ZPBP: variants seen among roughly 807,000 people sequenced by gnomAD.
The protein encoded by ZPBP is zona pellucida binding protein, also known as zona pellucida-binding protein 1.
Under a neutral mutation model 44.8 loss-of-function variants are expected in ZPBP, and 26 were observed. The ratio of observed to expected loss-of-function variants is 0.58; its 90% CI spans 0.43 to 0.81. The LOEUF is 0.81. Ranked by LOEUF, ZPBP falls within the 30% of genes least tolerant of loss-of-function variation. The pLI, the probability that ZPBP is intolerant of heterozygous loss-of-function variation, is 0.00. For synonymous variants in ZPBP, 174 were observed against 153.2 expected, an observed-to-expected ratio of 1.14 and a Z score of -1.00; for missense variants, 409 against 434.0, an observed-to-expected ratio of 0.94 and a Z score of 0.51.
At chr7:50,088,876 C>T in intron 2 of ZPBP, among the ~76,000 whole-genome samples, 1 of 138,220 alleles carries the variant, frequency 7.2e-6, no homozygotes, top group East Asian at 1.9e-4. Context: ...CATAGAGTTA[C>T]TCATAGGTAG....
intron 3 of ZPBP, among the ~76,000 whole-genome samples, chr7:50,067,847 T>C (rs1322454242): frequency 1.3e-5 from 2 of 152,196 alleles, no homozygotes; most frequent in Non-Finnish European, 2.9e-5. Flanking sequence ...AGTATGTCAC[T>C]GGGTGATGCC....
chr7:49,951,751 CT>C lies in ZPBP; in HGVS notation c.962-14130del, dbSNP rs1795355021. 3.3e-5 allele frequency among the ~76,000 whole-genome samples: 5 copies of C among 151,320 alleles called. 1 individual carries two copies. The South Asian group carries it at 1.0e-3, about 31-fold the overall frequency. On this transcript the variant is annotated intron_variant, in intron 7 of 7. Transcript: ENST00000046087. ...CTCTTGGTATGTACCCAAAAGAACTCTAAATGGGCACTTAAGTATATACTTT... is the reference window on the plus strand; with the variant it reads ...CTCTTGGTATGTACCCAAAAGAACTCAAATGGGCACTTAAGTATATACTTT...
chr7:49,865,369 C>G (rs927019181), intron 2 of ZPBP, among the ~76,000 whole-genome samples: 6 of 152,212 alleles, frequency 3.9e-5, no homozygotes, highest in Non-Finnish European at 7.3e-5. Flanking sequence ...GTTTTCCCAG[C>G]TGAAAAATGG....
chr7:49,945,251 T>G (rs1795055042), intron 7 of ZPBP, among the ~76,000 whole-genome samples: 1 of 152,190 alleles, frequency 6.6e-6, no homozygotes, highest in Admixed American at 6.5e-5. Flanking sequence ...AAGATTTGAT[T>G]TGTGGCCTAA....
At chr7:49,886,508 TTTC>T (rs1423996915) in intron 2 of ZPBP, among the ~76,000 whole-genome samples, 8 of 152,242 alleles carry the variant, frequency 5.3e-5, no homozygotes, top group Non-Finnish European at 7.3e-5. Context: ...TAAAATGTTA[TTTC>T]TTCTTTTGAT....
chr7:50,067,291 G>A (rs1055577170), intron 3 of ZPBP, among the ~76,000 whole-genome samples: 1 of 152,076 alleles, frequency 6.6e-6, no homozygotes, highest in Admixed American at 6.5e-5. Flanking sequence ...GCATTTAAGA[G>A]CTGTAGAATT....
At chr7:49,855,115 TG>T (rs1331338969) in intron 2 of ZPBP, among the ~76,000 whole-genome samples, 1 of 152,166 alleles carries the variant, frequency 6.6e-6, no homozygotes, top group Non-Finnish European at 1.5e-5. Context: ...TAGAAATAAA[TG>T]AGATTGTGTA....
At chr7:49,883,870 C>A (rs548916233) in intron 2 of ZPBP, among the ~76,000 whole-genome samples, 1 of 152,162 alleles carries the variant, frequency 6.6e-6, no homozygotes, top group Non-Finnish European at 1.5e-5. Flanking sequence ...ATAAAGAAAA[C>A]AAGTATTCAA....
At chr7:50,075,822 A>G (rs1173149228) in intron 3 of ZPBP, among the ~76,000 whole-genome samples, 1 of 151,980 alleles carries the variant, frequency 6.6e-6, no homozygotes. Context: ...TAAACGAAAC[A>G]TTTGAAGAAG....
At chr7:49,854,873 T>A (rs1790351014) in intron 2 of ZPBP, among the ~76,000 whole-genome samples, 1 of 152,204 alleles carries the variant, frequency 6.6e-6, no homozygotes. Context: ...TCAACCATAT[T>A]TTTAGATTAG....
chr7:50,060,253 T>C (rs759752029), intron 3 of ZPBP, among the ~76,000 whole-genome samples: 3 of 151,158 alleles, frequency 2.0e-5, no homozygotes, highest in Non-Finnish European at 4.4e-5. Context: ...GCATTTGCCA[T>C]GGGACCTGCT....
rs182146626 is a variant in ZPBP, at chr7:49,901,687, C to T, written n.412-472G>A. On this transcript the variant is annotated intron_variant and non_coding_transcript_variant, in intron 1 of 2. Coordinates refer to the ZPBP transcript ENST00000465922. The stretch of plus-strand genomic sequence containing the variant: ...GGAAGCAATTTTATAGTTATCAAAA[C>T]GGATCCTGTTTTATCTGGAGGGGCA... Among the ~76,000 whole-genome samples the T allele has an allele frequency of 1.2e-4, 18 of 151,872 alleles. No individual in the cohort carries two copies. In the East Asian group the frequency reaches 2.7e-3, roughly 23 times the overall value.
the ZPBP span, among the ~76,000 whole-genome samples, chr7:49,842,617 T>G: frequency 6.6e-6 from 1 of 152,200 alleles, no homozygotes; most frequent in South Asian, 2.1e-4. Flanking sequence ...AGGAATGTTC[T>G]TATCAGGAAT....
chr7:49,927,314 T>C (rs1301691421), intron 1 of ZPBP, among the ~76,000 whole-genome samples: 1 of 152,172 alleles, frequency 6.6e-6, no homozygotes, highest in Non-Finnish European at 1.5e-5. Flanking sequence ...ATTAGAAGCA[T>C]TCCTCCCTTG....
chr7:49,896,881 ATTTTTT>A (rs36066373), intron 2 of ZPBP, among the ~76,000 whole-genome samples: 1 of 95,052 alleles, frequency 1.1e-5, no homozygotes, highest in Admixed American at 1.1e-4. Flanking sequence ...TGGATTGATA[ATTTTTT>A]TTTTTTTTTT....
chr7:49,960,210 A>T (rs1795801628), intron 7 of ZPBP, among the ~76,000 whole-genome samples: 1 of 152,184 alleles, frequency 6.6e-6, no homozygotes, highest in Admixed American at 6.6e-5. Flanking sequence ...ACCTGAGGTC[A>T]GGAGTTCGAC....
chr7:49,956,737 T>A lies in ZPBP; in HGVS notation c.962-19115A>T, dbSNP rs185954777. ...CACAAATCCTATATTGAGCTATAAG[T>A]TTAATACAATTGCTATCAATATCCT... On this transcript the variant is annotated intron_variant, in intron 7 of 7. Transcript: ENST00000046087. Among the ~76,000 whole-genome samples, 234 of 152,258 alleles carry A rather than the reference T, an allele frequency of 1.5e-3. 3 individuals are homozygous for A. Among genetic ancestry groups the A allele is most frequent in the African/African-American group, 5.4e-3 (224 of 41,560 alleles).
At chr7:49,857,387 T>C (rs1423106024) in intron 2 of ZPBP, among the ~76,000 whole-genome samples, 2 of 152,214 alleles carry the variant, frequency 1.3e-5, no homozygotes, top group Admixed American at 1.3e-4. Flanking sequence ...AGCCTGAATA[T>C]TCCAATGTAG....
intron 4 of ZPBP, among the ~76,000 whole-genome samples, chr7:50,049,656 A>C (rs1383814652): frequency 6.6e-6 from 1 of 152,026 alleles, no homozygotes; most frequent in Non-Finnish European, 1.5e-5. Context: ...GAATAAGGGA[A>C]TTTCTTCCAT....
Sources: gnomAD v4.1 joint callset for allele counts (sites outside exome capture counted in the v4.1 genomes callset) on GRCh38, gnomAD v4.1.1 for gene constraint, MANE v1.5 for transcripts, NCBI Gene and HGNC (gene_info 2026-07-23, HGNC 2026-07-21) for gene names.